The following SEC24A variants were observed in gnomAD, a reference collection of about 807,000 sequenced individuals.
SEC24A encodes SEC24 homolog A, COPII component.
In SEC24A, 93 loss-of-function variants were observed where a neutral mutation model predicts 129.4. The ratio of observed to expected loss-of-function variants is 0.72; its 90% CI spans 0.61 to 0.85. The LOEUF (loss-of-function observed/expected upper bound fraction) is 0.85, where lower values mean the gene tolerates loss of function less well. Among genes scored for constraint, SEC24A ranks in the 40% least tolerant of loss-of-function variants. SEC24A has a pLI of 0.00. For synonymous variants in SEC24A, 460 were observed against 467.3 expected, an observed-to-expected ratio of 0.98 and a Z score of 0.20; for missense variants, 1,264 against 1,307.4, an observed-to-expected ratio of 0.97 and a Z score of 0.51.
At chr5:134,658,022 A>T (rs1175996908) in intron 1 of SEC24A, among the ~76,000 whole-genome samples, 2 of 152,210 alleles carry the variant, frequency 1.3e-5, no homozygotes, top group Non-Finnish European at 2.9e-5. Context: ...TAATCCCAGC[A>T]CTTTGGGAGG....
At chr5:134,705,191 T>C (rs1752124201) in intron 16 of SEC24A, 136 bp from the exon 17 acceptor site, 2 of 512,634 alleles carry the variant, frequency 3.9e-6, no homozygotes, top group African/African-American at 2.0e-5. Context: ...TCCTCCTGTC[T>C]CTGCCTCTGG....
intron 11 of SEC24A, among the ~76,000 whole-genome samples, chr5:134,690,092 C>T (rs1286006684): frequency 2.0e-5 from 3 of 152,152 alleles, no homozygotes; most frequent in East Asian, 1.9e-4. Context: ...CATCTCGGCT[C>T]GCTGCAACCT....
At chr5:134,697,722 C>T (rs746670611) in intron 14 of SEC24A, among the ~76,000 whole-genome samples, 177 bp from the exon 15 acceptor site, 1 of 152,090 alleles carries the variant, frequency 6.6e-6, no homozygotes, top group Non-Finnish European at 1.5e-5. Flanking sequence ...ATCACTACTG[C>T]ACTCCAGCCT....
chr5:134,691,785 G>A (rs1014264810), intron 11 of SEC24A, among the ~76,000 whole-genome samples: 13 of 151,724 alleles, frequency 8.6e-5, no homozygotes, highest in African/African-American at 1.9e-4. Flanking sequence ...GTGCCCGGCC[G>A]ACCTTCTTTA....
chr5:134,678,141 C>T (rs547167972), intron 7 of SEC24A, among the ~76,000 whole-genome samples: 1 of 152,298 alleles, frequency 6.6e-6, no homozygotes, highest in South Asian at 2.1e-4. Flanking sequence ...CCTGCCTCAG[C>T]CTCCAGACAG....
chr5:134,696,000 C>T lies in SEC24A; in HGVS notation c.1987-1126C>T, dbSNP rs888925445. On this transcript the variant is annotated intron_variant, in intron 13 of 22. Transcript: ENST00000398844. The stretch of plus-strand genomic sequence containing the variant: ...TAATGATAGTGGCCAGGTGTGGTGG[C>T]TCACACCTGTAATCCCAGCACTTTG... 3.3e-5 allele frequency among the ~76,000 whole-genome samples: 5 copies of T among 150,506 alleles called. No homozygotes were observed. In the East Asian group the frequency reaches 5.9e-4, roughly 18 times the overall value.
At chr5:134,686,240 T>TG (rs1444698253) in intron 9 of SEC24A, among the ~76,000 whole-genome samples, 1 of 136,322 alleles carries the variant, frequency 7.3e-6, no homozygotes, top group African/African-American at 3.1e-5. Context: ...GAATCCCTTC[T>TG]TTTTTTTTTT....
intron 1 of SEC24A, 99 bp downstream of exon 1, chr5:134,649,272 C>T (rs1194263366): frequency 2.3e-6 from 2 of 860,384 alleles, no homozygotes; most frequent in East Asian, 3.1e-5. Context: ...GAGTGACCTC[C>T]TTACCGGGTT....
At chr5:134,672,450 A>G (rs1202862743) in intron 4 of SEC24A, among the ~76,000 whole-genome samples, 4 of 151,636 alleles carry the variant, frequency 2.6e-5, no homozygotes, top group Non-Finnish European at 4.4e-5. Context: ...GGCCTCCCAA[A>G]GTGCTGGGAT....
At position 134,666,932 on chromosome 5, in the gene SEC24A, G is replaced by A. The variant is rs780544417; in HGVS notation, c.675G>A (p.Thr225=). ...AGGPPPVRAL[T]PLTSSYRDVP... is the part of the protein sequence containing the mutation. ...GCCCACCCCCAGTGAGGGCCCTCAC[G>A]CCCCTGACATCATCATATAGAGATG... The change falls in exon 3 of 23, where the codon ACG becomes ACA. Residue 225 remains threonine, a synonymous_variant. Coordinates refer to ENST00000398844, the MANE Select transcript of SEC24A (RefSeq NM_021982.3). 7 of 1,613,284 alleles carry A rather than the reference G, an allele frequency of 4.3e-6. No individual in the cohort carries two copies. The highest frequency in any genetic ancestry group is 3.3e-5 in the Admixed American group (2 of 59,764).
chr5:134,704,460 C>T (rs997407122), intron 16 of SEC24A, among the ~76,000 whole-genome samples: 19 of 152,092 alleles, frequency 1.2e-4, no homozygotes, highest in Non-Finnish European at 1.5e-4. Flanking sequence ...TGAATGCGAT[C>T]CCTGTTCATT....
At chr5:134,678,287 T>G (rs1751137162) in intron 7 of SEC24A, among the ~76,000 whole-genome samples, 1 of 152,214 alleles carries the variant, frequency 6.6e-6, no homozygotes, top group Non-Finnish European at 1.5e-5. Flanking sequence ...CTTACTTTAT[T>G]ATAGTTGAGA....
intron 7 of SEC24A, 121 bp from the exon 8 acceptor site, chr5:134,679,481 T>C (rs746203820): frequency 1.7e-6 from 1 of 588,600 alleles, no homozygotes; most frequent in Non-Finnish European, 2.8e-6. Context: ...CATCTTGTAC[T>C]CTAAGTTTTC....
intron 15 of SEC24A, among the ~76,000 whole-genome samples, chr5:134,699,301 C>CTT (rs1208203003): frequency 2.2e-5 from 3 of 138,364 alleles, no homozygotes; most frequent in Non-Finnish European, 3.1e-5. Context: ...CCATTTTATC[C>CTT]TTTTTTTTTT....
At chr5:134,652,174 G>A (rs971007891) in intron 1 of SEC24A, among the ~76,000 whole-genome samples, 2 of 151,326 alleles carry the variant, frequency 1.3e-5, no homozygotes, top group Non-Finnish European at 3.0e-5. Flanking sequence ...CGCCCGCGTC[G>A]GCCTCCCAAA....
At position 134,666,918 on chromosome 5, in the gene SEC24A, G is replaced by A. The variant is rs1478548672; in HGVS notation, c.661G>A (p.Val221Met). Residue 221 changes from valine to methionine, a missense_variant, in exon 3 of 23, where the codon GTG (valine) becomes ATG (methionine). Coordinates refer to ENST00000398844, the MANE Select transcript of SEC24A (RefSeq NM_021982.3). ...GPPPAGGPPP[V>M]RALTPLTSSY... ...CCCTCCAGCTGGAGGCCCACCCCCA[G>A]TGAGGGCCCTCACGCCCCTGACATC... The A allele has an allele frequency of 1.9e-6, 3 of 1,613,586 alleles. No homozygotes were observed. Among genetic ancestry groups the A allele is most frequent in the East Asian group, 4.5e-5 (2 of 44,878 alleles).
In SEC24A at chr5:134,661,465, A is replaced by G; in HGVS notation, c.444A>G (p.Gln148=). The G allele has an allele frequency of 6.2e-7, 1 of 1,614,206 alleles. No individual in the cohort carries two copies. Among genetic ancestry groups the G allele is most frequent in the Non-Finnish European group, 8.5e-7 (1 of 1,180,042 alleles). The change falls in exon 2 of 23, where the codon CAA becomes CAG. Residue 148 remains glutamine, a synonymous_variant. Coordinates refer to ENST00000398844, the MANE Select transcript of SEC24A (RefSeq NM_021982.3). Reference sequence around the variant, plus strand: ...ATAACTATCCATCCACAGCCTCACAAACAAACCATTGTCCTCGTGCATCAT... The same window carrying G: ...ATAACTATCCATCCACAGCCTCACAGACAAACCATTGTCCTCGTGCATCAT... ...WQYNYPSTAS[Q]TNHCPRASSQ...
At position 134,652,835 on chromosome 5, in the gene SEC24A, C is replaced by T. The variant is rs181195502; in HGVS notation, c.97+3662C>T. On this transcript the variant is annotated intron_variant, in intron 1 of 22. Transcript: ENST00000398844. ...TTTGAGACGGAGTCTCACTCTGTCA[C>T]CCATGCTGGAGTGCAGTGGTGCGAT... is the stretch of plus-strand genomic sequence containing the variant. Among the ~76,000 whole-genome samples the T allele has an allele frequency of 3.3e-5, 5 of 151,712 alleles. No homozygotes were observed. The East Asian group carries it at 9.7e-4, about 29-fold the overall frequency.
At chr5:134,660,343 A>G (rs144845325) in intron 1 of SEC24A, among the ~76,000 whole-genome samples, 1 of 152,034 alleles carries the variant, frequency 6.6e-6, no homozygotes, top group African/African-American at 2.4e-5. Context: ...TCCAGCTTGG[A>G]TGACAGAGTA....
Sources: allele counts gnomAD v4.1 joint callset (sites outside exome capture counted in the v4.1 genomes callset), GRCh38; gene constraint gnomAD v4.1.1; transcripts MANE v1.5; gene names NCBI Gene and HGNC (gene_info 2026-07-23, HGNC 2026-07-21).